The following GMNC variants were observed in gnomAD, a reference collection of about 807,000 sequenced individuals.
GMNC encodes geminin coiled-coil domain containing, also known as geminin coiled-coil domain-containing protein 1.
Under a neutral mutation model 33.6 loss-of-function variants are expected in GMNC, and 16 were observed. The observed-to-expected ratio is 0.48, with a 90% CI of 0.32 to 0.72. The LOEUF (loss-of-function observed/expected upper bound fraction) is 0.72, where lower values mean the gene tolerates loss of function less well. GMNC is among the 30% of genes least tolerant of loss of function. The probability of loss-of-function intolerance (pLI) is 0.03; values close to 1 mark genes in which losing one functional copy is unlikely to be tolerated. For synonymous variants in GMNC, 156 were observed against 147.3 expected, an observed-to-expected ratio of 1.06 and a Z score of -0.43; for missense variants, 393 against 388.9, an observed-to-expected ratio of 1.01 and a Z score of -0.09.
downstream of GMNC, among the ~76,000 whole-genome samples, chr3:190,849,134 G>A (rs1375487208): frequency 4.6e-5 from 7 of 152,182 alleles, no homozygotes; most frequent in African/African-American, 1.7e-4. Flanking sequence ...GAAGCAGCCT[G>A]CTAATTACAA....
chr3:190,844,809 G>T, the GMNC span, among the ~76,000 whole-genome samples: 1 of 152,006 alleles, frequency 6.6e-6, no homozygotes, highest in Admixed American at 6.6e-5. Flanking sequence ...AAATAAATTT[G>T]AATACACTTA....
chr3:190,850,182 A>G (rs1737611749), downstream of GMNC, among the ~76,000 whole-genome samples: 1 of 152,218 alleles, frequency 6.6e-6, no homozygotes, highest in Non-Finnish European at 1.5e-5. Context: ...TCAGCACCAG[A>G]ATATCCTTCT....
chr3:190,849,730 A>G (rs570293595), downstream of GMNC, among the ~76,000 whole-genome samples: 73 of 152,344 alleles, frequency 4.8e-4, no homozygotes, highest in African/African-American at 1.6e-3. Context: ...ATGTTCCTGA[A>G]AAGGTATCAA....
In GMNC at chr3:190,857,761, T is replaced by C. The variant is rs1463398722; in HGVS notation, c.384+22A>G. 4.4e-6 allele frequency: 5 copies of C among 1,131,508 alleles called. No individual in the cohort carries two copies. The South Asian group carries it at 5.3e-5, about 12-fold the overall frequency. The allele number at this position is 1,131,508 out of a possible 1,614,324, so 70.1% of individuals were successfully genotyped here. A position where few individuals can be genotyped will look rare whatever the true frequency, so the allele number is the denominator to read the frequency against. On this transcript the variant is annotated intron_variant, in intron 4 of 4. Transcript: ENST00000442080. ...AAATCACTGCTTTGTTCTTATAAAGTAGATACATACATCATACATACCTTG... is the reference window on the plus strand; with the variant it reads ...AAATCACTGCTTTGTTCTTATAAAGCAGATACATACATCATACATACCTTG...
At position 190,862,593 on chromosome 3, in the gene GMNC, A is replaced by G; in HGVS notation, c.3+20T>C. 6 of 1,543,654 alleles carry G rather than the reference A, an allele frequency of 3.9e-6. No individual in the cohort carries two copies. Among genetic ancestry groups the G allele is most frequent in the Non-Finnish European group, 5.3e-6 (6 of 1,139,170 alleles). ...ACCCAAGTTTGCCAGCGGACTAGCT[A>G]ACGCCAGTTCCTCACTTACCATCTT... On this transcript the variant is annotated intron_variant, in intron 1 of 4. Coordinates refer to ENST00000442080, the MANE Select transcript of GMNC (RefSeq NM_001146686.3). The surrounding 1 kb of genome is among the most constrained non-coding windows in gnomAD (Gnocchi z 4.5).
At chr3:190,852,247 T>C (rs1018223092), downstream of GMNC, among the ~76,000 whole-genome samples, 1 of 152,144 alleles carries the variant, frequency 6.6e-6, no homozygotes, top group Non-Finnish European at 1.5e-5. Flanking sequence ...TACAGGTGGG[T>C]TGTTAAATCC....
At chr3:190,850,416 T>A (rs886541950), downstream of GMNC, among the ~76,000 whole-genome samples, 2 of 152,164 alleles carry the variant, frequency 1.3e-5, no homozygotes, top group African/African-American at 4.8e-5. Flanking sequence ...GACTGCTGGT[T>A]CCGGATGAAG....
At chr3:190,859,039 C>T in intron 2 of GMNC, 23 bp from the exon 3 acceptor site, 2 of 1,365,640 alleles carry the variant, frequency 1.5e-6, no homozygotes, top group Non-Finnish European at 2.0e-6. Flanking sequence ...AAATAGATAA[C>T]TGAGAAAATA....
intron 2 of GMNC, 93 bp from the exon 3 acceptor site, chr3:190,859,109 T>C: frequency 1.3e-6 from 1 of 759,520 alleles, no homozygotes; most frequent in East Asian, 2.8e-5. Context: ...GTTTAATAGG[T>C]TCAATTATTT....
At chr3:190,859,727 A>G in intron 2 of GMNC, 1 of 386,092 alleles carries the variant, frequency 2.6e-6, no homozygotes, top group Non-Finnish European at 5.1e-6. Context: ...ATAAAAAACT[A>G]TGGTTGGGCA....
At chr3:190,844,696 G>A in the GMNC span, among the ~76,000 whole-genome samples, 6 of 151,850 alleles carry the variant, frequency 4.0e-5, no homozygotes, top group African/African-American at 1.2e-4. Context: ...GTGAGCATCA[G>A]GAAAAATAGA....
rs9828636 is a variant in GMNC at position 190,861,708 on chromosome 3, C to G, written c.4-850G>C. 0.14 allele frequency among the ~76,000 whole-genome samples: 20,569 copies of G among 152,160 alleles called. 1,408 individuals carry two copies. Among genetic ancestry groups the G allele is most frequent in the South Asian group, 0.16 (787 of 4,824 alleles). On this transcript the variant is annotated intron_variant, in intron 1 of 4. Transcript: ENST00000442080. The surrounding 1 kb of genome is among the most constrained non-coding windows in gnomAD (Gnocchi z 5.1). ...ACTGGCATGTATTCTCCACTGTGTT[C>G]TGATCCAGTGAACACTCTCCTGCCT...
At chr3:190,852,312 A>C (rs984701504), downstream of GMNC, among the ~76,000 whole-genome samples, 17 of 152,022 alleles carry the variant, frequency 1.1e-4, no homozygotes, top group African/African-American at 4.1e-4. Flanking sequence ...CAAATAGATA[A>C]TTTTTTCCAT....
chr3:190,851,881 T>G (rs968720646), downstream of GMNC, among the ~76,000 whole-genome samples: 4 of 152,040 alleles, frequency 2.6e-5, no homozygotes, highest in Non-Finnish European at 5.9e-5. Flanking sequence ...ATATTTCAAA[T>G]TATATAGAAA....
intron 3 of GMNC, among the ~76,000 whole-genome samples, chr3:190,858,459 G>A (rs1343193155): frequency 6.6e-6 from 1 of 152,174 alleles, no homozygotes; most frequent in Non-Finnish European, 1.5e-5. Flanking sequence ...TGATCTGTCT[G>A]TATGTCCACT....
downstream of GMNC, among the ~76,000 whole-genome samples, chr3:190,849,638 C>T (rs775113433): frequency 6.6e-6 from 1 of 152,096 alleles, no homozygotes; most frequent in Non-Finnish European, 1.5e-5. Context: ...GAGAAATTAC[C>T]TAGAAATACC....
intron 1 of GMNC, 51 bp from the exon 2 acceptor site, chr3:190,860,909 GGAGATTTAGA>G: frequency 7.4e-7 from 1 of 1,358,512 alleles, no homozygotes; most frequent in Non-Finnish European, 1.0e-6. Context: ...ATGGGGTGAT[GGAGATTTAGA>G]AGGGGGAAAG....
chr3:190,849,811 T>C (rs114561234), downstream of GMNC, among the ~76,000 whole-genome samples: 1,024 of 152,314 alleles, frequency 6.7e-3, 14 homozygotes, highest in African/African-American at 0.023. Flanking sequence ...TTTATAAATA[T>C]GACTATTCAC....
At chr3:190,850,179 C>A (rs532643602), downstream of GMNC, among the ~76,000 whole-genome samples, 1 of 152,298 alleles carries the variant, frequency 6.6e-6, no homozygotes, top group East Asian at 1.9e-4. Flanking sequence ...TCTTCAGCAC[C>A]AGAATATCCT....
Sources: allele counts gnomAD v4.1 joint callset (sites outside exome capture counted in the v4.1 genomes callset), GRCh38; gene constraint gnomAD v4.1.1; non-coding constraint Gnocchi (gnomAD v3.1); transcripts MANE v1.5; gene names NCBI Gene and HGNC (gene_info 2026-07-23, HGNC 2026-07-21).